PDE3A: variants seen among roughly 807,000 people sequenced by gnomAD.
PDE3A encodes the protein phosphodiesterase 3A.
A neutral mutation model predicts 98.3 loss-of-function variants in PDE3A; 43 were observed. That is an observed-to-expected ratio of 0.44 (90% CI 0.34 to 0.56). The LOEUF is 0.56. Among genes scored for constraint, PDE3A ranks in the 20% least tolerant of loss-of-function variants. The probability of loss-of-function intolerance (pLI) is 0.01; values close to 1 mark genes in which losing one functional copy is unlikely to be tolerated. For synonymous variants in PDE3A, 663 were observed against 567.9 expected (o/e 1.17, Z -2.38); for missense variants, 1,427 against 1,440.7 (o/e 0.99, Z 0.15).
chr12:20,519,953 G>A (rs1476638648), intron 1 of PDE3A, among the ~76,000 whole-genome samples: 3 of 152,118 alleles, frequency 2.0e-5, no homozygotes, highest in Non-Finnish European at 2.9e-5. Context: ...CTCCTCCAAC[G>A]TAGATGTCCT....
intron 1 of PDE3A, among the ~76,000 whole-genome samples, chr12:20,411,546 G>A (rs1028608057): frequency 4.0e-5 from 6 of 151,196 alleles, no homozygotes; most frequent in African/African-American, 1.2e-4. Flanking sequence ...TTATGCTGTC[G>A]CTGACAACTA....
intron 1 of PDE3A, among the ~76,000 whole-genome samples, chr12:20,418,682 C>G (rs571785654): frequency 3.3e-5 from 5 of 152,004 alleles, no homozygotes; most frequent in Non-Finnish European, 2.9e-5. Flanking sequence ...TTTCCCTAAC[C>G]CTTGATTAGC....
intron 2 of PDE3A, among the ~76,000 whole-genome samples, chr12:20,596,101 T>C (rs1943460112): frequency 6.6e-6 from 1 of 152,192 alleles, no homozygotes; most frequent in South Asian, 2.1e-4. Flanking sequence ...TGAATTTCTG[T>C]AGAAATTGAC....
intron 2 of PDE3A, chr12:20,572,142 T>C (rs992684918): frequency 2.8e-5 from 36 of 1,279,450 alleles, no homozygotes; most frequent in Non-Finnish European, 3.7e-5. Context: ...GACGATATTT[T>C]CCAAATCGTG....
At chr12:20,613,857 A>G (rs546464071) in intron 3 of PDE3A, among the ~76,000 whole-genome samples, 157 bp downstream of exon 3, 2 of 152,348 alleles carry the variant, frequency 1.3e-5, no homozygotes, top group East Asian at 1.9e-4. Context: ...ATATTTAAAC[A>G]TAAAGACTTC....
intron 13 of PDE3A, 33 bp downstream of exon 13, chr12:20,648,924 TTTC>T (rs1944844716): frequency 2.5e-6 from 3 of 1,209,254 alleles, no homozygotes; most frequent in African/African-American, 2.0e-5. Flanking sequence ...TTCTTTTCTT[TTTC>T]TTTTTTTTTT....
intron 2 of PDE3A, among the ~76,000 whole-genome samples, chr12:20,606,490 C>T (rs1160745116): frequency 6.6e-6 from 1 of 152,090 alleles, no homozygotes; most frequent in Non-Finnish European, 1.5e-5. Context: ...TTTTGACCTC[C>T]ACACATATTC....
At chr12:20,517,004 A>G (rs965887164) in intron 1 of PDE3A, among the ~76,000 whole-genome samples, 4 of 152,242 alleles carry the variant, frequency 2.6e-5, no homozygotes, top group African/African-American at 9.6e-5. Flanking sequence ...AAAGAGCCCC[A>G]GGAGAGCACA....
intron 1 of PDE3A, among the ~76,000 whole-genome samples, chr12:20,480,859 G>A (rs1030788049): frequency 6.6e-6 from 1 of 152,214 alleles, no homozygotes; most frequent in South Asian, 2.1e-4. Flanking sequence ...AGTGAAGGCA[G>A]AACGCCATTC....
At chr12:20,512,091 T>C (rs1432789916) in intron 1 of PDE3A, among the ~76,000 whole-genome samples, 1 of 151,944 alleles carries the variant, frequency 6.6e-6, no homozygotes, top group African/African-American at 2.4e-5. Flanking sequence ...CCAAATGTAT[T>C]ATAACATCCT....
chr12:20,576,026 A>C (rs567314449), intron 2 of PDE3A, among the ~76,000 whole-genome samples: 4 of 152,118 alleles, frequency 2.6e-5, no homozygotes, highest in Non-Finnish European at 4.4e-5. Flanking sequence ...GGCGCATAGT[A>C]AGTGTATATG....
intron 2 of PDE3A, among the ~76,000 whole-genome samples, chr12:20,590,941 G>A (rs766754571): frequency 3.3e-5 from 5 of 152,166 alleles, no homozygotes; most frequent in Non-Finnish European, 5.9e-5. Flanking sequence ...GCACGTCCTA[G>A]CTCCCTGTCC....
rs191426753 is a variant in PDE3A at position 20,682,042 on chromosome 12, C to T, written c.*1771C>T. ...AGGTCGATGGACAACCAATCATCTA[C>T]CTTTTCTAATTTAAATGATAATCTG... On this transcript the variant is annotated 3_prime_UTR_variant, in exon 16 of 16. Coordinates refer to ENST00000359062, the MANE Select transcript of PDE3A (RefSeq NM_000921.5). 9 of 152,274 alleles carry T rather than the reference C, an allele frequency of 5.9e-5. No homozygotes were observed. The highest frequency in any genetic ancestry group is 2.0e-4 in the Admixed American group (3 of 15,280). 9.4% of individuals were successfully genotyped at this position (152,274 alleles called of 1,614,324 possible).
Position 20,479,460 on chromosome 12 carries a change from A to G in PDE3A, c.961-77200A>G, listed in dbSNP as rs546221525. Among the ~76,000 whole-genome samples the G allele has an allele frequency of 6.6e-5, 10 of 152,280 alleles. No homozygotes were observed. The South Asian group carries it at 2.1e-3, about 32-fold the overall frequency. On this transcript the variant is annotated intron_variant, in intron 1 of 15. Transcript: ENST00000359062. Reference sequence around the variant, plus strand: ...TTCTTTCAGTGTTTTCTTCTCTGCTATCCCTTGAGTATATCTCTTGAGCTT... The same window carrying G: ...TTCTTTCAGTGTTTTCTTCTCTGCTGTCCCTTGAGTATATCTCTTGAGCTT...
intron 2 of PDE3A, among the ~76,000 whole-genome samples, chr12:20,563,471 A>G (rs1942580139): frequency 6.6e-6 from 1 of 152,134 alleles, no homozygotes; most frequent in African/African-American, 2.4e-5. Flanking sequence ...ACATGTTACC[A>G]GGGAATAATT....
intron 1 of PDE3A, among the ~76,000 whole-genome samples, chr12:20,448,357 A>G (rs1944996826): frequency 6.6e-6 from 1 of 152,074 alleles, no homozygotes; most frequent in South Asian, 2.1e-4. Context: ...AGGAGAATCG[A>G]TTGAACCCGG....
intron 5 of PDE3A, among the ~76,000 whole-genome samples, chr12:20,627,673 G>A (rs1203371542): frequency 6.7e-6 from 1 of 148,666 alleles, no homozygotes; most frequent in African/African-American, 2.5e-5. Context: ...CCTATTACTT[G>A]AATTTAAGTT....
intron 1 of PDE3A, among the ~76,000 whole-genome samples, chr12:20,441,418 A>C (rs944346129): frequency 7.9e-5 from 12 of 152,206 alleles, no homozygotes; most frequent in African/African-American, 2.9e-4. Flanking sequence ...GTATTGAAGA[A>C]GAATAGTGCA....
At chr12:20,533,628 C>T (rs1274325281) in intron 1 of PDE3A, among the ~76,000 whole-genome samples, 1 of 151,678 alleles carries the variant, frequency 6.6e-6, no homozygotes, top group Non-Finnish European at 1.5e-5. Flanking sequence ...AGTACAGGCG[C>T]CACCACCACA....
Sources: allele counts gnomAD v4.1 joint callset (sites outside exome capture counted in the v4.1 genomes callset), GRCh38; gene constraint gnomAD v4.1.1; transcripts MANE v1.5; gene names NCBI Gene and HGNC (gene_info 2026-07-23, HGNC 2026-07-21).